The following CDK14 variants were observed in gnomAD, a reference collection of about 807,000 sequenced individuals.
The protein encoded by CDK14 is cyclin-dependent kinase 14.
Under a neutral mutation model 60.7 loss-of-function variants are expected in CDK14, and 34 were observed. The observed-to-expected ratio is 0.56, with a 90% confidence interval of 0.43 to 0.75. The LOEUF (loss-of-function observed/expected upper bound fraction) is 0.75, where lower values mean the gene tolerates loss of function less well. CDK14 is among the 30% of genes least tolerant of loss of function. The pLI is 0.00. For missense variants in CDK14, 482 were observed against 564.1 expected, an observed-to-expected ratio of 0.85 and a Z score of 1.47; for synonymous variants, 197 against 203.7, an observed-to-expected ratio of 0.97 and a Z score of 0.28.
intron 5 of CDK14, among the ~76,000 whole-genome samples, chr7:90,812,326 A>G (rs908228762): frequency 6.6e-6 from 1 of 152,226 alleles, no homozygotes; most frequent in African/African-American, 2.4e-5. Context: ...ATGGACATGG[A>G]TGAAGCTGGA....
At chr7:90,738,266 G>T (rs1803201400) in intron 3 of CDK14, among the ~76,000 whole-genome samples, 1 of 151,986 alleles carries the variant, frequency 6.6e-6, no homozygotes, top group Non-Finnish European at 1.5e-5. Flanking sequence ...GTTCAAATGG[G>T]GATAGTAATA....
intron 3 of CDK14, among the ~76,000 whole-genome samples, chr7:90,745,703 C>T (rs1016304806): frequency 2.0e-5 from 3 of 152,112 alleles, no homozygotes; most frequent in East Asian, 1.9e-4. Flanking sequence ...TGTGAGCCAC[C>T]GTGCTCAGCC....
intron 14 of CDK14, among the ~76,000 whole-genome samples, chr7:91,176,310 G>A: frequency 6.6e-6 from 1 of 152,224 alleles, no homozygotes; most frequent in Non-Finnish European, 1.5e-5. Flanking sequence ...ATTTAAAGTA[G>A]TGTGTAGAGG....
At chr7:90,821,605 G>A (rs1789552259) in intron 5 of CDK14, among the ~76,000 whole-genome samples, 1 of 152,228 alleles carries the variant, frequency 6.6e-6, no homozygotes, top group Admixed American at 6.5e-5. Flanking sequence ...TGATACAGCT[G>A]TGGAGTAGCT....
At chr7:90,675,157 T>C (rs1421488669) in intron 2 of CDK14, among the ~76,000 whole-genome samples, 1 of 152,190 alleles carries the variant, frequency 6.6e-6, no homozygotes, top group African/African-American at 2.4e-5. Context: ...TTTTGCCCAC[T>C]CAACCTTTCT....
At chr7:90,635,700 A>C (rs1208889598) in intron 2 of CDK14, among the ~76,000 whole-genome samples, 2 of 152,102 alleles carry the variant, frequency 1.3e-5, no homozygotes, top group African/African-American at 4.8e-5. Flanking sequence ...TGGGGATGGC[A>C]TTGAATCTAT....
intron 10 of CDK14, among the ~76,000 whole-genome samples, chr7:91,031,831 C>G (rs1461480659): frequency 6.6e-6 from 1 of 152,170 alleles, no homozygotes; most frequent in Admixed American, 6.5e-5. Flanking sequence ...GAATGTCGCT[C>G]CTTGACTTTG....
Position 90,657,962 on chromosome 7 carries a change from T to G in CDK14, c.123+53713T>G, listed in dbSNP as rs138776179. ...CCTTCTGTTTTGCCATAAGATCTAA[T>G]TTTTGTTCAAACTGTAGGATCAATT... On this transcript the variant is annotated intron_variant, in intron 2 of 14. Transcript: ENST00000380050. 6.5e-3 allele frequency among the ~76,000 whole-genome samples: 985 copies of G among 152,336 alleles called. 4 individuals carry two copies. The highest frequency in any genetic ancestry group is 0.017 in the Middle Eastern group (5 of 294).
intron 7 of CDK14, among the ~76,000 whole-genome samples, chr7:90,905,929 T>C (rs1211966188): frequency 3.9e-5 from 6 of 152,134 alleles, no homozygotes; most frequent in Admixed American, 3.9e-4. Context: ...TATTACTATG[T>C]TGGTTTCTAT....
At chr7:90,668,699 C>A (rs201300567) in intron 2 of CDK14, among the ~76,000 whole-genome samples, 1,243 of 87,436 alleles carry the variant, frequency 0.014, 33 homozygotes, top group East Asian at 0.057. Flanking sequence ...GACTCGCATT[C>A]TTTTTTTTTT....
At chr7:90,730,443 G>A (rs1206923890) in intron 3 of CDK14, among the ~76,000 whole-genome samples, 20 of 152,010 alleles carry the variant, frequency 1.3e-4, no homozygotes. Flanking sequence ...TGTCTTCCAC[G>A]ATGATTGAAC....
At chr7:90,709,452 C>G (rs1801980207) in intron 2 of CDK14, 1 of 1,548,244 alleles carries the variant, frequency 6.5e-7, no homozygotes, top group Middle Eastern at 1.7e-4. Flanking sequence ...AGCTGTTTGG[C>G]TCCCATTCTG....
intron 14 of CDK14, among the ~76,000 whole-genome samples, chr7:91,191,580 A>G (rs1802363234): frequency 6.6e-6 from 1 of 151,836 alleles, no homozygotes; most frequent in African/African-American, 2.4e-5. Context: ...ACTTATTTTC[A>G]GAGTAGTTCT....
intron 3 of CDK14, among the ~76,000 whole-genome samples, chr7:90,732,904 C>T (rs902424078): frequency 1.3e-5 from 2 of 151,076 alleles, no homozygotes; most frequent in Non-Finnish European, 3.0e-5. Flanking sequence ...TTTGCTCTTC[C>T]TTCTCTAGTT....
intron 2 of CDK14, among the ~76,000 whole-genome samples, chr7:90,667,323 T>G (rs1266040583): frequency 6.6e-6 from 1 of 152,190 alleles, no homozygotes; most frequent in Non-Finnish European, 1.5e-5. Flanking sequence ...ATTTATTCTT[T>G]TAATGCACAA....
chr7:90,901,211 T>C (rs745789140), intron 7 of CDK14, among the ~76,000 whole-genome samples: 8 of 152,182 alleles, frequency 5.3e-5, no homozygotes, highest in Non-Finnish European at 1.2e-4. Context: ...GGTTGCACCA[T>C]GGTGATAAAC....
In CDK14 at chr7:91,104,936, A is replaced by T. The variant is rs193092622; in HGVS notation, c.1155-7606A>T. On this transcript the variant is annotated intron_variant, in intron 12 of 14. Transcript: ENST00000380050. ...TTTTGTGATTATTCCAGGGAGAAAG[A>T]CTTAAAAATTATAAGCATAGATGAT... Among the ~76,000 whole-genome samples the T allele has an allele frequency of 5.3e-3, 803 of 152,308 alleles. 4 individuals are homozygous for T. Among genetic ancestry groups the T allele is most frequent in the Non-Finnish European group, 9.0e-3 (614 of 68,020 alleles).
chr7:90,934,906 T>C (rs775091000), intron 8 of CDK14, among the ~76,000 whole-genome samples: 12 of 152,258 alleles, frequency 7.9e-5, no homozygotes, highest in Non-Finnish European at 1.5e-4. Flanking sequence ...GCCAGCCTTA[T>C]ATGGAATGGA....
intron 8 of CDK14, among the ~76,000 whole-genome samples, chr7:90,922,419 AG>A (rs1378908336): frequency 6.6e-6 from 1 of 152,072 alleles, no homozygotes; most frequent in Non-Finnish European, 1.5e-5. Flanking sequence ...AACCAAAGAA[AG>A]GGTTTTTTTT....
Sources: gnomAD v4.1 joint callset for allele counts (sites outside exome capture counted in the v4.1 genomes callset) on GRCh38, gnomAD v4.1.1 for gene constraint, MANE v1.5 for transcripts, NCBI Gene and HGNC (gene_info 2026-07-23, HGNC 2026-07-21) for gene names.